The following XKR4 variants were observed in gnomAD, a reference collection of about 807,000 sequenced individuals.
XKR4 encodes XK related 4, also known as XK-related protein 4.
In XKR4, 12 loss-of-function variants were observed where a neutral mutation model predicts 53.9. The ratio of observed to expected loss-of-function variants is 0.22; its 90% CI spans 0.14 to 0.36. The LOEUF (loss-of-function observed/expected upper bound fraction) is 0.36. Among genes scored for constraint, XKR4 ranks in the 10% least tolerant of loss-of-function variants. The pLI, the probability that XKR4 is intolerant of heterozygous loss-of-function variation, is 1.00. For synonymous variants in XKR4, 354 were observed against 362.4 expected (o/e 0.98, Z 0.26); for missense variants, 799 against 859.5 (o/e 0.93, Z 0.88).
rs192984369 is a variant in XKR4 at position 55,480,223 on chromosome 8, C to G, written c.1007-43058C>G. Among the ~76,000 whole-genome samples the G allele has an allele frequency of 1.2e-3, 188 of 152,308 alleles. 1 individual carries two copies. Among genetic ancestry groups the G allele is most frequent in the African/African-American group, 4.2e-3 (176 of 41,546 alleles). On this transcript the variant is annotated intron_variant, in intron 2 of 2. Transcript: ENST00000327381. ...CCACCACAATCAAGTGGGCTTCATC[C>G]CTGGGATGCAAGGCTGTTTCAACAT...
intron 1 of XKR4, among the ~76,000 whole-genome samples, chr8:55,294,787 G>A (rs772442279): frequency 2.0e-5 from 3 of 152,122 alleles, no homozygotes; most frequent in Admixed American, 6.5e-5. Flanking sequence ...TAATAGGTGA[G>A]TGTTTGCAGC....
At chr8:55,237,655 A>C (rs1427891147) in intron 1 of XKR4, among the ~76,000 whole-genome samples, 1 of 152,244 alleles carries the variant, frequency 6.6e-6, no homozygotes, top group Non-Finnish European at 1.5e-5. Flanking sequence ...CATCTTGATT[A>C]TGAGCAGAGG....
chr8:55,541,755 T>G lies in XKR4; in HGVS notation c.*17528T>G, dbSNP rs1807104038. 2.0e-5 allele frequency: 3 copies of G among 152,324 alleles called. No individual in the cohort carries two copies. Among genetic ancestry groups the G allele is most frequent in the Middle Eastern group, 3.4e-3 (1 of 294 alleles). The allele number at this position is 152,324 out of a possible 1,614,324, so 9.4% of individuals were successfully genotyped here. A position where few individuals can be genotyped will look rare whatever the true frequency, so the allele number is the denominator to read the frequency against. ...CTAGTTATTAAATTTGTTTCCTTCCTGTAAATATATATATTCAAATTCCAT... is the reference window on the plus strand; with the variant it reads ...CTAGTTATTAAATTTGTTTCCTTCCGGTAAATATATATATTCAAATTCCAT... On this transcript the variant is annotated 3_prime_UTR_variant, in exon 3 of 3. Coordinates refer to ENST00000327381, the MANE Select transcript of XKR4 (RefSeq NM_052898.2).
chr8:55,448,482 C>A (rs1794284302), intron 2 of XKR4, among the ~76,000 whole-genome samples: 2 of 152,334 alleles, frequency 1.3e-5, no homozygotes, highest in South Asian at 2.1e-4. Flanking sequence ...AAGCCAAAAT[C>A]TGCACATCTG....
chr8:55,130,705 C>T (rs1816540989), intron 1 of XKR4, among the ~76,000 whole-genome samples: 1 of 152,122 alleles, frequency 6.6e-6, no homozygotes, highest in Non-Finnish European at 1.5e-5. Context: ...CCCCCATTAT[C>T]TATGAGGGGG....
intron 1 of XKR4, among the ~76,000 whole-genome samples, chr8:55,210,069 A>G (rs1300033781): frequency 7.1e-6 from 1 of 140,488 alleles, no homozygotes; most frequent in Non-Finnish European, 1.5e-5. Context: ...CTAGAGTTTT[A>G]TGCCTTCATC....
intron 1 of XKR4, among the ~76,000 whole-genome samples, chr8:55,286,123 G>A (rs756948939): frequency 3.9e-5 from 6 of 152,154 alleles, no homozygotes; most frequent in Non-Finnish European, 8.8e-5. Flanking sequence ...CATCAATGTT[G>A]TCAAAGAGCC....
At chr8:55,357,632 A>T (rs769508974) in intron 1 of XKR4, 46 bp from the exon 2 acceptor site, 98 of 1,601,190 alleles carry the variant, frequency 6.1e-5, no homozygotes, top group Non-Finnish European at 7.5e-5. Context: ...TGAATTATAA[A>T]CTATCATCAC....
At chr8:55,433,069 A>C (rs1805125157) in intron 2 of XKR4, among the ~76,000 whole-genome samples, 1 of 152,222 alleles carries the variant, frequency 6.6e-6, no homozygotes, top group Non-Finnish European at 1.5e-5. Flanking sequence ...TTTAAACCTG[A>C]AATTCAAATT....
chr8:55,155,665 C>G (rs1430101507), intron 1 of XKR4, among the ~76,000 whole-genome samples: 1 of 150,874 alleles, frequency 6.6e-6, no homozygotes, highest in Non-Finnish European at 1.5e-5. Context: ...ATCTAAAGTT[C>G]TAAATTAAAA....
intron 1 of XKR4, among the ~76,000 whole-genome samples, chr8:55,222,702 T>C (rs554560863): frequency 5.3e-5 from 8 of 152,352 alleles, no homozygotes; most frequent in African/African-American, 1.9e-4. Context: ...GGTACATCCA[T>C]GTTGAATGAT....
intron 1 of XKR4, among the ~76,000 whole-genome samples, chr8:55,183,952 C>G (rs1194742514): frequency 6.6e-6 from 1 of 152,104 alleles, no homozygotes; most frequent in East Asian, 1.9e-4. Context: ...TACCTTTCCC[C>G]TCCCCCTGCC....
rs917941285 is a variant in XKR4 at position 55,259,379 on chromosome 8, G to T, written c.807-98299G>T. 3.3e-5 allele frequency among the ~76,000 whole-genome samples: 5 copies of T among 152,346 alleles called. No homozygotes were observed. In the East Asian group the frequency reaches 9.6e-4, roughly 29 times the overall value. ...GGCATTAACAAACATGATAGGAATG[G>T]CAGCTACTAGTGCGATATGAGTTGA... is the stretch of plus-strand genomic sequence containing the variant. On this transcript the variant is annotated intron_variant, in intron 1 of 2. Coordinates refer to ENST00000327381, the MANE Select transcript of XKR4 (RefSeq NM_052898.2).
chr8:55,249,110 C>G (rs16921503), intron 1 of XKR4, among the ~76,000 whole-genome samples: 35,975 of 152,066 alleles, frequency 0.24, 4,726 homozygotes, highest in East Asian at 0.49. Flanking sequence ...TTATTCTGGT[C>G]AGATACTGTT....
chr8:55,117,374 C>T (rs1816324905), intron 1 of XKR4, among the ~76,000 whole-genome samples: 1 of 152,172 alleles, frequency 6.6e-6, no homozygotes, highest in Non-Finnish European at 1.5e-5. Flanking sequence ...TAAAAATGGA[C>T]TCTTTAGGAG....
chr8:55,192,453 T>C (rs1241035409), intron 1 of XKR4, among the ~76,000 whole-genome samples: 1 of 152,130 alleles, frequency 6.6e-6, no homozygotes, highest in African/African-American at 2.4e-5. Context: ...AATTTTTTTA[T>C]ACCTACTTAT....
At chr8:55,144,136 T>C (rs1421958333) in intron 1 of XKR4, among the ~76,000 whole-genome samples, 1 of 152,226 alleles carries the variant, frequency 6.6e-6, no homozygotes, top group African/African-American at 2.4e-5. Context: ...TTAGTCTTTA[T>C]AAAACAACAC....
chr8:55,299,318 T>C (rs1159973847), intron 1 of XKR4, among the ~76,000 whole-genome samples: 1 of 152,100 alleles, frequency 6.6e-6, no homozygotes, highest in Non-Finnish European at 1.5e-5. Flanking sequence ...AGGGAGCTTG[T>C]CACAGATGAG....
intron 2 of XKR4, among the ~76,000 whole-genome samples, chr8:55,425,584 G>C (rs568606044): frequency 1.3e-5 from 2 of 152,154 alleles, no homozygotes; most frequent in Admixed American, 6.5e-5. Context: ...AAAGCAGAAA[G>C]TGCCCATTCT....
Sources: gnomAD v4.1 joint callset for allele counts (sites outside exome capture counted in the v4.1 genomes callset) on GRCh38, gnomAD v4.1.1 for gene constraint, MANE v1.5 for transcripts, NCBI Gene and HGNC (gene_info 2026-07-23, HGNC 2026-07-21) for gene names.